The following SIPA1L3 variants were observed in gnomAD, a reference collection of about 807,000 sequenced individuals.
SIPA1L3 encodes signal-induced proliferation-associated 1-like protein 3.
Under a neutral mutation model 150.1 loss-of-function variants are expected in SIPA1L3, and 59 were observed. The observed-to-expected ratio is 0.39, with a 90% CI of 0.32 to 0.49. The LOEUF is 0.49. Among genes scored for constraint, SIPA1L3 ranks in the 20% least tolerant of loss-of-function variants. The pLI is 0.86. For synonymous variants in SIPA1L3, 1,070 were observed against 1,077.6 expected (o/e 0.99, Z 0.14); for missense variants, 2,211 against 2,489.5 (o/e 0.89, Z 2.38).
chr19:38,131,431 G>A (rs1971303820), intron 10 of SIPA1L3, among the ~76,000 whole-genome samples: 1 of 152,046 alleles, frequency 6.6e-6, no homozygotes, highest in South Asian at 2.1e-4. Flanking sequence ...GTGTACATGG[G>A]TGATGTGTTC....
chr19:38,069,387 C>T (rs1186113311), intron 2 of SIPA1L3, among the ~76,000 whole-genome samples: 2 of 152,158 alleles, frequency 1.3e-5, no homozygotes, highest in East Asian at 1.9e-4. Flanking sequence ...ACAGTTGGTC[C>T]TCCCCAACCA....
intron 4 of SIPA1L3, among the ~76,000 whole-genome samples, chr19:38,099,034 C>CTTCTT (rs1009852528): frequency 4.0e-5 from 6 of 151,756 alleles, no homozygotes; most frequent in Non-Finnish European, 5.9e-5. Flanking sequence ...CTCTTCTCTT[C>CTTCTT]TTCTTTTCTT....
intron 1 of SIPA1L3, among the ~76,000 whole-genome samples, chr19:37,936,094 G>A (rs1432972789): frequency 6.6e-6 from 1 of 152,124 alleles, no homozygotes; most frequent in Non-Finnish European, 1.5e-5. Flanking sequence ...CAGAACCAGG[G>A]CTCTAAGGAA....
intron 9 of SIPA1L3, among the ~76,000 whole-genome samples, chr19:38,127,014 GA>G (rs530275478): frequency 1.0e-3 from 154 of 152,114 alleles, no homozygotes; most frequent in African/African-American, 3.6e-3. Context: ...CCGACATGGA[GA>G]AACCCCGTCT....
At position 37,925,590 on chromosome 19, in the gene SIPA1L3, C is replaced by CTTT. The variant is rs761234489; in HGVS notation, c.-379+18252_-379+18254dup. Among the ~76,000 whole-genome samples the CTTT allele has an allele frequency of 2.9e-3, 319 of 110,730 alleles. 6 individuals carry two copies. The highest frequency in any genetic ancestry group is 4.5e-3 in the Non-Finnish European group (239 of 52,698). 72.6% of individuals were successfully genotyped at this position (110,730 alleles called of 152,430 possible). On this transcript the variant is annotated intron_variant, in intron 1 of 21. Transcript: ENST00000222345. ...TTTTTCAGGGTTGATTGATTTATTACTTTTTTTTTTTTTTTTTTTTTTGAG... is the reference window on the plus strand; with the variant it reads ...TTTTTCAGGGTTGATTGATTTATTACTTTTTTTTTTTTTTTTTTTTTTTTTGAG...
rs750466221 is a variant in SIPA1L3 at position 38,081,727 on chromosome 19, G to GCCACC, written c.162_163insCCACC (p.Ala55ProfsTer41). On this transcript the variant is annotated frameshift_variant, in exon 3 of 22. Transcript: ENST00000222345. LOFTEE classifies it high-confidence loss of function. Reference sequence around the variant, plus strand: ...TGTCCCAGCCTCTTGGCGAGAGCCCGGCCACCGCCACCGCCACCGCCACCG... The same window carrying GCCACC: ...TGTCCCAGCCTCTTGGCGAGAGCCCGCCACCGCCACCGCCACCGCCACCGCCACCG... 1 of 1,602,812 alleles carries GCCACC rather than the reference G, an allele frequency of 6.2e-7. No homozygotes were observed. The highest frequency in any genetic ancestry group is 1.7e-5 in the Admixed American group (1 of 58,908).
intron 1 of SIPA1L3, among the ~76,000 whole-genome samples, chr19:38,022,802 A>T (rs924396546): frequency 6.6e-6 from 1 of 152,256 alleles, no homozygotes; most frequent in Non-Finnish European, 1.5e-5. Context: ...CTTGTGCTTC[A>T]ACCCAGAAAG....
At chr19:38,084,629 CTTTTTCTTTTTTT>C (rs2093000691) in intron 3 of SIPA1L3, among the ~76,000 whole-genome samples, 1 of 115,524 alleles carries the variant, frequency 8.7e-6, no homozygotes, top group African/African-American at 3.3e-5. Context: ...TTGTTTTTTT[CTTTTTCTTTTTTT>C]TTTTTTTTTT....
rs117698427 is a variant in SIPA1L3, at chr19:37,963,585, T to C, written c.-379+56227T>C. 2.0e-5 allele frequency among the ~76,000 whole-genome samples: 3 copies of C among 152,380 alleles called. No homozygotes were observed. The East Asian group carries it at 5.8e-4, about 29-fold the overall frequency. On this transcript the variant is annotated intron_variant, in intron 1 of 21. Coordinates refer to ENST00000222345, the MANE Select transcript of SIPA1L3 (RefSeq NM_015073.3). ...GCGTGTGATGGGAGGAACCCCAAATTAAACGCCACATGTTCCCACTGTTCT... is the reference window on the plus strand; with the variant it reads ...GCGTGTGATGGGAGGAACCCCAAATCAAACGCCACATGTTCCCACTGTTCT...
At chr19:37,932,076 G>A (rs1317551370) in intron 1 of SIPA1L3, among the ~76,000 whole-genome samples, 1 of 152,208 alleles carries the variant, frequency 6.6e-6, no homozygotes, top group East Asian at 1.9e-4. Flanking sequence ...TCCAGCGACC[G>A]TGTTTAATCA....
chr19:38,048,691 AT>A (rs1213262740), intron 2 of SIPA1L3, among the ~76,000 whole-genome samples: 1 of 152,200 alleles, frequency 6.6e-6, no homozygotes, highest in Admixed American at 6.5e-5. Flanking sequence ...GGCCCAACAG[AT>A]TTTGTGGCAT....
At chr19:38,146,023 C>T (rs973362903) in intron 12 of SIPA1L3, among the ~76,000 whole-genome samples, 1 of 152,184 alleles carries the variant, frequency 6.6e-6, no homozygotes, top group Non-Finnish European at 1.5e-5. Context: ...CCGCCACACC[C>T]AGCCAATTTT....
chr19:38,123,290 T>A (rs1971070984), intron 9 of SIPA1L3, among the ~76,000 whole-genome samples: 1 of 150,022 alleles, frequency 6.7e-6, no homozygotes, highest in Non-Finnish European at 1.5e-5. Flanking sequence ...TTTTAATTGA[T>A]CATTCTTGGG....
chr19:38,125,708 G>T (rs8104873), intron 9 of SIPA1L3, among the ~76,000 whole-genome samples: 1 of 152,044 alleles, frequency 6.6e-6, no homozygotes, highest in Admixed American at 6.6e-5. Context: ...CACTCTCCCC[G>T]GCAGGCTGAC....
At chr19:38,106,684 C>A in intron 7 of SIPA1L3, 44 bp downstream of exon 7, 3 of 1,356,410 alleles carry the variant, frequency 2.2e-6, no homozygotes, top group Non-Finnish European at 3.2e-6. Context: ...ATGTTGGCTG[C>A]CCACCCACCA....
At chr19:38,202,134 C>A in intron 20 of SIPA1L3, 137 bp downstream of exon 20, 1 of 773,550 alleles carries the variant, frequency 1.3e-6, no homozygotes, top group Admixed American at 3.2e-5. Context: ...AGCTACTCCC[C>A]CCTCCTAACA....
intron 1 of SIPA1L3, among the ~76,000 whole-genome samples, chr19:38,026,535 C>G: frequency 6.6e-6 from 1 of 152,124 alleles, no homozygotes; most frequent in East Asian, 1.9e-4. Context: ...GTTCAAGGGG[C>G]TGACTGAGGA....
chr19:38,025,577 A>G (rs951751465), intron 1 of SIPA1L3, among the ~76,000 whole-genome samples: 3 of 152,246 alleles, frequency 2.0e-5, no homozygotes, highest in Admixed American at 6.5e-5. Context: ...ACCACGGCAC[A>G]TCGCTGCTGA....
intron 1 of SIPA1L3, among the ~76,000 whole-genome samples, chr19:37,951,766 G>T (rs374676546): frequency 6.6e-6 from 1 of 151,666 alleles, no homozygotes; most frequent in African/African-American, 2.4e-5. Flanking sequence ...GCATGGTGGC[G>T]GGCGCCTGTA....
Sources: gnomAD v4.1 joint callset for allele counts (sites outside exome capture counted in the v4.1 genomes callset) on GRCh38, gnomAD v4.1.1 for gene constraint, MANE v1.5 for transcripts, NCBI Gene and HGNC (gene_info 2026-07-23, HGNC 2026-07-21) for gene names.